The following FBXL20 variants were observed in gnomAD, a reference collection of about 807,000 sequenced individuals.
FBXL20 encodes F-box and leucine rich repeat protein 20, also known as F-box/LRR-repeat protein 20.
Under a neutral mutation model 64.0 loss-of-function variants are expected in FBXL20, and 11 were observed. The observed-to-expected ratio is 0.17, with a 90% CI of 0.11 to 0.28. FBXL20 has a LOEUF of 0.28. Ranked by LOEUF, FBXL20 falls within the 10% of genes least tolerant of loss-of-function variation. FBXL20 has a pLI of 1.00. For missense variants in FBXL20, 303 were observed against 526.2 expected (o/e 0.58, Z 4.15); for synonymous variants, 184 against 189.0 (o/e 0.97, Z 0.22).
At chr17:39,331,499 G>A (rs76944509) in intron 2 of FBXL20, among the ~76,000 whole-genome samples, 1,613 of 152,226 alleles carry the variant, frequency 0.011, 28 homozygotes, top group African/African-American at 0.037. Flanking sequence ...CTCCATGCTA[G>A]GTTTAAAGCC....
chr17:39,260,750 T>TG lies in FBXL20; in HGVS notation c.*709dup, dbSNP rs1449911092. 5 of 152,776 alleles carry TG rather than the reference T, an allele frequency of 3.3e-5. No individual in the cohort carries two copies. Among genetic ancestry groups the TG allele is most frequent in the South Asian group, 2.1e-4 (1 of 4,818 alleles). The allele number at this position is 152,776 out of a possible 1,614,324, so 9.5% of individuals were successfully genotyped here. A position where few individuals can be genotyped will look rare whatever the true frequency, so the allele number is the denominator to read the frequency against. ...ACAGGTGACAGACTGAGCAAGAGTG[T>TG]GGGGGGGAGCAACAGAGAATGTAAG... On this transcript the variant is annotated 3_prime_UTR_variant, in exon 15 of 15. Coordinates refer to ENST00000264658, the MANE Select transcript of FBXL20 (RefSeq NM_032875.3).
rs557937438 is a variant in FBXL20, at chr17:39,258,873, C to T, written c.*2587G>A. The T allele has an allele frequency of 6.6e-6, 1 of 151,982 alleles. No homozygotes were observed. The highest frequency in any genetic ancestry group is 1.5e-5 in the Non-Finnish European group (1 of 68,006). The allele number at this position is 151,982 out of a possible 1,614,324, so 9.4% of individuals were successfully genotyped here. On this transcript the variant is annotated 3_prime_UTR_variant, in exon 15 of 15. Coordinates refer to ENST00000264658, the MANE Select transcript of FBXL20 (RefSeq NM_032875.3). ...ACATCTGGAAGTATGTGTGTATGCA[C>T]GTATGTATTTTTATGTGTAGGGGTA...
intron 1 of FBXL20, among the ~76,000 whole-genome samples, chr17:39,355,731 T>A (rs914845221): frequency 2.0e-5 from 3 of 151,626 alleles, no homozygotes; most frequent in African/African-American, 7.3e-5. Context: ...GGCAGGTGCC[T>A]GTAATTCCAG....
intron 6 of FBXL20, among the ~76,000 whole-genome samples, chr17:39,286,894 T>C (rs1415634964): frequency 1.3e-5 from 2 of 151,606 alleles, no homozygotes; most frequent in African/African-American, 2.4e-5. Context: ...CCTGTAAATA[T>C]TTCAGTATCT....
intron 1 of FBXL20, among the ~76,000 whole-genome samples, chr17:39,392,873 G>A (rs902946096): frequency 7.9e-5 from 12 of 151,750 alleles, no homozygotes; most frequent in African/African-American, 2.7e-4. Context: ...ATTTGCCGGG[G>A]GTAGTGGTGC....
chr17:39,401,963 G>A, upstream of FBXL20: 1 of 450,050 alleles, frequency 2.2e-6, no homozygotes, highest in Non-Finnish European at 3.6e-6. Flanking sequence ...GACCAGCGAG[G>A]GAGAGTAGAG....
Position 39,365,788 on chromosome 17 carries a change from C to T in FBXL20, c.43-22547G>A, listed in dbSNP as rs1200440198. 3.3e-5 allele frequency among the ~76,000 whole-genome samples: 5 copies of T among 152,138 alleles called. No individual in the cohort carries two copies. In the East Asian group the frequency reaches 9.6e-4, roughly 29 times the overall value. ...GACTGAATCTCATGTTGAACTGGTGCTGCTTAATCCTGGAAATGTTCCATG... is the reference window on the plus strand; with the variant it reads ...GACTGAATCTCATGTTGAACTGGTGTTGCTTAATCCTGGAAATGTTCCATG... On this transcript the variant is annotated intron_variant, in intron 1 of 14. Transcript: ENST00000264658.
chr17:39,269,472 C>T (rs2046821802), intron 11 of FBXL20, among the ~76,000 whole-genome samples: 2 of 150,804 alleles, frequency 1.3e-5, no homozygotes, highest in Admixed American at 6.6e-5. Flanking sequence ...GGATTACAGG[C>T]GTGAGCCATC....
chr17:39,314,738 T>C (rs2047268550), intron 2 of FBXL20, among the ~76,000 whole-genome samples: 1 of 152,012 alleles, frequency 6.6e-6, no homozygotes, highest in South Asian at 2.1e-4. Flanking sequence ...CAGTGTACAC[T>C]GTAGTGTACA....
intron 2 of FBXL20, among the ~76,000 whole-genome samples, chr17:39,315,395 A>T (rs868296911): frequency 3.8e-4 from 53 of 141,184 alleles, no homozygotes; most frequent in Middle Eastern, 3.6e-3. Flanking sequence ...TAAATAATTT[A>T]TATATATATA....
rs11408782 is a variant in FBXL20 at position 39,345,550 on chromosome 17, A to ATTT, written c.43-2312_43-2310dup. The stretch of plus-strand genomic sequence containing the variant: ...TTTCATTTAAAGAATAATTTTAATA[A>ATTT]TTTTTTTTTTGAGAGAGTTTTGCTC... On this transcript the variant is annotated intron_variant, in intron 1 of 14. Coordinates refer to ENST00000264658, the MANE Select transcript of FBXL20 (RefSeq NM_032875.3). Among the ~76,000 whole-genome samples, 834 of 150,508 alleles carry ATTT rather than the reference A, an allele frequency of 5.5e-3. 4 individuals carry two copies. Among genetic ancestry groups the ATTT allele is most frequent in the African/African-American group, 0.018 (746 of 41,016 alleles).
chr17:39,327,601 T>C (rs1052455637), intron 2 of FBXL20, among the ~76,000 whole-genome samples: 11 of 152,114 alleles, frequency 7.2e-5, no homozygotes, highest in African/African-American at 2.7e-4. Context: ...TTACATAAGA[T>C]GTACACACGC....
intron 2 of FBXL20, among the ~76,000 whole-genome samples, chr17:39,342,572 C>A (rs899004327): frequency 1.2e-4 from 18 of 152,222 alleles, no homozygotes; most frequent in Non-Finnish European, 2.4e-4. Context: ...AAAAAATTAG[C>A]CAGGCATGGT....
intron 14 of FBXL20, 65 bp from the exon 15 acceptor site, chr17:39,261,632 CTTAGAAAAA>C: frequency 2.5e-6 from 3 of 1,207,068 alleles, no homozygotes; most frequent in Non-Finnish European, 1.2e-6. Flanking sequence ...AATGTTGGTT[CTTAGAAAAA>C]CTACCGAGGG....
At chr17:39,336,823 CAA>C (rs1050338585) in intron 2 of FBXL20, among the ~76,000 whole-genome samples, 3 of 122,860 alleles carry the variant, frequency 2.4e-5, no homozygotes, top group African/African-American at 6.0e-5. Flanking sequence ...GACACCATCT[CAA>C]AAAAAAAAAA....
chr17:39,343,898 C>T (rs548818325), intron 1 of FBXL20, among the ~76,000 whole-genome samples: 35 of 152,108 alleles, frequency 2.3e-4, no homozygotes, highest in African/African-American at 8.4e-4. Context: ...GAGTCTCACT[C>T]TGTCGCCCAG....
intron 1 of FBXL20, among the ~76,000 whole-genome samples, chr17:39,344,364 AAAG>A: frequency 6.6e-6 from 1 of 152,190 alleles, no homozygotes; most frequent in East Asian, 1.9e-4. Flanking sequence ...AAAAAAAAAA[AAAG>A]GTTTACTGCT....
intron 2 of FBXL20, among the ~76,000 whole-genome samples, chr17:39,340,503 T>A (rs2047572116): frequency 6.6e-6 from 1 of 152,202 alleles, no homozygotes; most frequent in Non-Finnish European, 1.5e-5. Flanking sequence ...GTGCTAGGAT[T>A]ATAGGTGTGA....
chr17:39,388,498 T>G (rs2048103576), intron 1 of FBXL20, among the ~76,000 whole-genome samples: 1 of 151,356 alleles, frequency 6.6e-6, no homozygotes, highest in Non-Finnish European at 1.5e-5. Flanking sequence ...AATTTTTTTT[T>G]TTTGAGACGG....
Sources: gnomAD v4.1 joint callset for allele counts (sites outside exome capture counted in the v4.1 genomes callset) on GRCh38, gnomAD v4.1.1 for gene constraint, MANE v1.5 for transcripts, NCBI Gene and HGNC (gene_info 2026-07-23, HGNC 2026-07-21) for gene names.